The following SLC24A3 variants were observed in gnomAD, a reference collection of about 807,000 sequenced individuals.
SLC24A3 encodes the protein sodium/potassium/calcium exchanger 3.
A neutral mutation model predicts 75.8 loss-of-function variants in SLC24A3; 28 were observed. The observed-to-expected ratio is 0.37, with a 90% CI of 0.27 to 0.51. SLC24A3 has a LOEUF of 0.51. SLC24A3 is among the 20% of genes least tolerant of loss of function. The pLI is 0.94. For missense variants in SLC24A3, 663 were observed against 847.8 expected (o/e 0.78, Z 2.71); for synonymous variants, 372 against 334.1 (o/e 1.11, Z -1.24).
chr20:19,451,568 T>A (rs1260358589), intron 2 of SLC24A3, among the ~76,000 whole-genome samples: 1 of 152,246 alleles, frequency 6.6e-6, no homozygotes, highest in East Asian at 1.9e-4. Context: ...ACTAGTCCTC[T>A]GTTTTTGCAA....
chr20:19,489,263 A>C (rs909842569), intron 2 of SLC24A3, among the ~76,000 whole-genome samples: 21 of 152,136 alleles, frequency 1.4e-4, no homozygotes, highest in African/African-American at 5.1e-4. Flanking sequence ...TGATTGACTC[A>C]TTGGCTATAT....
At chr20:19,617,173 C>T (rs1048576622) in intron 6 of SLC24A3, among the ~76,000 whole-genome samples, 7 of 152,222 alleles carry the variant, frequency 4.6e-5, no homozygotes, top group Non-Finnish European at 7.3e-5. Flanking sequence ...GGGCTCCTCT[C>T]GAGCAGATCC....
rs138717509 is a variant in SLC24A3, at chr20:19,632,178, G to A, written c.613-21884G>A. Reference sequence around the variant, plus strand: ...AACTGTGCATGGAGTAGCTGGAGTCGGCAGCACCTGGTGCCTGGCATGCGA... The same window carrying A: ...AACTGTGCATGGAGTAGCTGGAGTCAGCAGCACCTGGTGCCTGGCATGCGA... On this transcript the variant is annotated intron_variant, in intron 6 of 16. Coordinates refer to ENST00000328041, the MANE Select transcript of SLC24A3 (RefSeq NM_020689.4). Among the ~76,000 whole-genome samples, 37 of 152,206 alleles carry A rather than the reference G, an allele frequency of 2.4e-4. No individual in the cohort carries two copies. In the East Asian group the frequency reaches 7.0e-3, roughly 29 times the overall value.
intron 2 of SLC24A3, among the ~76,000 whole-genome samples, chr20:19,488,089 G>A (rs1401606116): frequency 6.6e-6 from 1 of 152,244 alleles, no homozygotes; most frequent in Non-Finnish European, 1.5e-5. Context: ...CTGGTCAAGA[G>A]AGACTTTCTC....
intron 13 of SLC24A3, chr20:19,695,780 T>C (rs931999412): frequency 2.6e-5 from 4 of 152,126 alleles, no homozygotes; most frequent in African/African-American, 9.7e-5. Context: ...CTTCCAAGAC[T>C]CCATTGCCTA....
intron 2 of SLC24A3, among the ~76,000 whole-genome samples, chr20:19,486,703 G>T (rs746018146): frequency 6.6e-6 from 1 of 152,126 alleles, no homozygotes; most frequent in Non-Finnish European, 1.5e-5. Context: ...TGTATGTCTC[G>T]TCAACCCAAT....
At chr20:19,433,933 A>G (rs1442570410) in intron 2 of SLC24A3, among the ~76,000 whole-genome samples, 1 of 152,172 alleles carries the variant, frequency 6.6e-6, no homozygotes, top group African/African-American at 2.4e-5. Flanking sequence ...GTGAGAGTCT[A>G]ATAAAGGAGA....
intron 2 of SLC24A3, among the ~76,000 whole-genome samples, chr20:19,433,875 C>G (rs998365195): frequency 5.3e-5 from 8 of 152,298 alleles, no homozygotes; most frequent in Non-Finnish European, 1.0e-4. Context: ...TTTTTGACAC[C>G]TGGCCCTGGG....
chr20:19,506,213 A>C (rs1437985880), intron 2 of SLC24A3, among the ~76,000 whole-genome samples: 2 of 152,196 alleles, frequency 1.3e-5, no homozygotes, highest in African/African-American at 4.8e-5. Context: ...AGCAAATGTC[A>C]CCACATAAGC....
rs2033105998 is a variant in SLC24A3, at chr20:19,721,684, C to T, written c.*544C>T. 6.5e-6 allele frequency: 1 copy of T among 153,798 alleles called. No homozygotes were observed. The highest frequency in any genetic ancestry group is 2.4e-5 in the African/African-American group (1 of 41,458). 9.5% of individuals were successfully genotyped at this position (153,798 alleles called of 1,614,324 possible). A position where few individuals can be genotyped will look rare whatever the true frequency, so the allele number is the denominator to read the frequency against. On this transcript the variant is annotated 3_prime_UTR_variant, in exon 17 of 17. Coordinates refer to ENST00000328041, the MANE Select transcript of SLC24A3 (RefSeq NM_020689.4). ...CTCCTTTTCTTCCAGAGATCAAGAG[C>T]TTCTCTTGCATCTTCTTCCACTGGG...
chr20:19,379,107 C>A (rs1986138118), intron 2 of SLC24A3, among the ~76,000 whole-genome samples: 1 of 152,078 alleles, frequency 6.6e-6, no homozygotes, highest in African/African-American at 2.4e-5. Flanking sequence ...ATTTCCAAAA[C>A]AAGCAGATGA....
Position 19,336,772 on chromosome 20 carries a change from G to A in SLC24A3, c.271+55685G>A, listed in dbSNP as rs115882743. 5.0e-3 allele frequency among the ~76,000 whole-genome samples: 753 copies of A among 149,842 alleles called. 9 individuals are homozygous for A. Among genetic ancestry groups the A allele is most frequent in the African/African-American group, 0.018 (728 of 40,656 alleles). ...GGGAGAAAACCACTCCTTCCTGTTG[G>A]CACAGAGAGCCACGTTAGATTCGCC... is the stretch of plus-strand genomic sequence containing the variant. On this transcript the variant is annotated intron_variant, in intron 2 of 16. Coordinates refer to ENST00000328041, the MANE Select transcript of SLC24A3 (RefSeq NM_020689.4).
intron 2 of SLC24A3, among the ~76,000 whole-genome samples, chr20:19,417,438 C>A (rs936200309): frequency 6.6e-6 from 1 of 152,136 alleles, no homozygotes; most frequent in Non-Finnish European, 1.5e-5. Flanking sequence ...CTCAGTTGTA[C>A]AAGATGTCAA....
At chr20:19,338,439 G>A (rs1044525270) in intron 2 of SLC24A3, among the ~76,000 whole-genome samples, 18 of 152,142 alleles carry the variant, frequency 1.2e-4, no homozygotes, top group African/African-American at 1.4e-4. Context: ...CTTCTCAGAC[G>A]TGTGGAACTC....
At chr20:19,717,736 A>G (rs1844756154) in intron 16 of SLC24A3, 143 bp downstream of exon 16, 8 of 843,718 alleles carry the variant, frequency 9.5e-6, no homozygotes, top group Admixed American at 4.3e-5. Context: ...TTCTTCTAGA[A>G]GTGAGTCCTA....
intron 2 of SLC24A3, among the ~76,000 whole-genome samples, chr20:19,436,542 TAGAC>T (rs978716018): frequency 6.6e-6 from 1 of 152,216 alleles, no homozygotes; most frequent in African/African-American, 2.4e-5. Flanking sequence ...TTGTGGCTGA[TAGAC>T]AGCACTAGAG....
At chr20:19,616,801 C>T (rs1170999920) in intron 6 of SLC24A3, among the ~76,000 whole-genome samples, 2 of 152,108 alleles carry the variant, frequency 1.3e-5, no homozygotes, top group Non-Finnish European at 2.9e-5. Context: ...AGCCAAGAGC[C>T]CAAACCTGCT....
At position 19,684,447 on chromosome 20, in the gene SLC24A3, G is replaced by C; in HGVS notation, c.1062+111G>C. 3 of 1,233,216 alleles carry C rather than the reference G, an allele frequency of 2.4e-6. No individual in the cohort carries two copies. In the South Asian group the frequency reaches 4.7e-5, roughly 19 times the overall value. The allele number at this position is 1,233,216 out of a possible 1,614,324, so 76.4% of individuals were successfully genotyped here. A position where few individuals can be genotyped will look rare whatever the true frequency, so the allele number is the denominator to read the frequency against. On this transcript the variant is annotated intron_variant, in intron 11 of 16. Transcript: ENST00000328041. ...AGCACCTAACTCAAAGTTTAACACC[G>C]CAGCATCCCTCAGCCATTTCCTAAT...
At chr20:19,703,276 C>T (rs930443203) in intron 15 of SLC24A3, among the ~76,000 whole-genome samples, 3 of 152,200 alleles carry the variant, frequency 2.0e-5, no homozygotes, top group African/African-American at 7.2e-5. Flanking sequence ...TCACACTGCA[C>T]ATAATCTCTT....
Sources: gnomAD v4.1 joint callset for allele counts (sites outside exome capture counted in the v4.1 genomes callset) on GRCh38, gnomAD v4.1.1 for gene constraint, MANE v1.5 for transcripts, NCBI Gene and HGNC (gene_info 2026-07-23, HGNC 2026-07-21) for gene names.